Variants in PPP5C observed in about 807,000 individuals in gnomAD.
PPP5C encodes the protein serine/threonine-protein phosphatase 5.
Under a neutral mutation model 66.7 loss-of-function variants are expected in PPP5C, and 21 were observed. That is an observed-to-expected ratio of 0.31 (90% CI 0.22 to 0.45). The LOEUF (loss-of-function observed/expected upper bound fraction) is 0.45. PPP5C is among the 20% of genes least tolerant of loss of function. The pLI, the probability that PPP5C is intolerant of heterozygous loss-of-function variation, is 1.00. For missense variants in PPP5C, 464 were observed against 675.9 expected, an observed-to-expected ratio of 0.69 and a Z score of 3.48; for synonymous variants, 246 against 257.4, an observed-to-expected ratio of 0.96 and a Z score of 0.43.
rs1368613338 is a variant in PPP5C at position 46,387,118 on chromosome 19, C to A, written c.930C>A (p.Asn310Lys). ...GCAACCACGAGACAGACAACATGAACCAGATCTACGGTTTCGAGGGTGAGG... is the reference window on the plus strand; with the variant it reads ...GCAACCACGAGACAGACAACATGAAACAGATCTACGGTTTCGAGGGTGAGG... Reference protein sequence around the residue: ...LRGNHETDNMNQIYGFEGEVK... With the variant: ...LRGNHETDNMKQIYGFEGEVK... Residue 310 changes from asparagine (N) to lysine (K), a missense_variant, in exon 8 of 13, where the codon AAC becomes AAA. Asn to Lys is a moderately conservative substitution (Grantham distance 94, BLOSUM62 0). Around this residue, in one of 2 missense-constraint regions of PPP5C, gnomAD observed 387 missense variants for 626.0 expected, o/e 0.62. Transcript: ENST00000012443. 2 of 1,614,234 alleles carry A rather than the reference C, an allele frequency of 1.2e-6. No individual in the cohort carries two copies.
At chr19:46,369,857 C>T (rs1197613492) in intron 2 of PPP5C, among the ~76,000 whole-genome samples, 1 of 140,602 alleles carries the variant, frequency 7.1e-6, no homozygotes, top group Non-Finnish European at 1.5e-5. Flanking sequence ...ACCCGGGAGG[C>T]GGAGGTTACA....
intron 4 of PPP5C, among the ~76,000 whole-genome samples, chr19:46,379,832 C>G (rs561370109): frequency 1.5e-4 from 22 of 150,178 alleles, no homozygotes; most frequent in East Asian, 1.4e-3. Context: ...AACTCCTCTC[C>G]TGTGAATCTG....
rs1436142613 is a variant in PPP5C at position 46,390,832 on chromosome 19, T to TA, written c.*489dup. 1.8e-5 allele frequency: 20 copies of TA among 1,129,310 alleles called. No individual in the cohort carries two copies. In the African/African-American group the frequency reaches 3.1e-4, roughly 17 times the overall value. The allele number at this position is 1,129,310 out of a possible 1,614,324, so 70.0% of individuals were successfully genotyped here. Reference sequence around the variant, plus strand: ...ATGTCTGTAATTAAATATGTTAAAATAAAGTCATTATCGGAAGTCAGCTTG... The same window carrying TA: ...ATGTCTGTAATTAAATATGTTAAAATAAAAGTCATTATCGGAAGTCAGCTTG... On this transcript the variant is annotated 3_prime_UTR_variant, in exon 13 of 13. Transcript: ENST00000012443.
In PPP5C at chr19:46,347,151, C is replaced by T; in HGVS notation, c.55C>T (p.Pro19Ser). 4 of 1,605,384 alleles carry T rather than the reference C, an allele frequency of 2.5e-6. No individual in the cohort carries two copies. Among genetic ancestry groups the T allele is most frequent in the Middle Eastern group, 1.7e-4 (1 of 6,044 alleles). ...TECAEPPRDEPPADGALKRAE... is the reference protein window; with the variant it reads ...TECAEPPRDESPADGALKRAE... ...GTGTGCTGAGCCCCCCCGGGACGAA[C>T]CCCCGGCTGATGGAGCTCTGAAGCG... The change falls in exon 1 of 13, where the codon CCC becomes TCC. Residue 19 changes from proline to serine, a missense_variant. Transcript: ENST00000012443.
chr19:46,390,775 G>A lies in PPP5C; in HGVS notation c.*429G>A. 8.8e-7 allele frequency: 1 copy of A among 1,131,952 alleles called. No homozygotes were observed. The highest frequency in any genetic ancestry group is 2.1e-5 in the South Asian group (1 of 47,168). The allele number at this position is 1,131,952 out of a possible 1,614,324, so 70.1% of individuals were successfully genotyped here. A position where few individuals can be genotyped will look rare whatever the true frequency, so the allele number is the denominator to read the frequency against. On this transcript the variant is annotated 3_prime_UTR_variant, in exon 13 of 13. Coordinates refer to ENST00000012443, the MANE Select transcript of PPP5C (RefSeq NM_006247.4). ...CTCCTATAGCCCCATGGTGGGGCTAGGCTGGGGCTCACCCCCCTCCCCAGC... is the reference window on the plus strand; with the variant it reads ...CTCCTATAGCCCCATGGTGGGGCTAAGCTGGGGCTCACCCCCCTCCCCAGC...
intron 1 of PPP5C, among the ~76,000 whole-genome samples, chr19:46,352,324 TAGA>T (rs1972201335): frequency 6.6e-6 from 1 of 152,200 alleles, no homozygotes; most frequent in African/African-American, 2.4e-5. Flanking sequence ...GGGCTGCTGG[TAGA>T]AGGACTCTAG....
chr19:46,375,631 G>A lies in PPP5C; in HGVS notation c.391G>A (p.Asp131Asn), dbSNP rs1972680058. 1 of 1,614,104 alleles carries A rather than the reference G, an allele frequency of 6.2e-7. No individual in the cohort carries two copies. Among genetic ancestry groups the A allele is most frequent in the Non-Finnish European group, 8.5e-7 (1 of 1,179,980 alleles). The change falls in exon 3 of 13, where the codon GAT (aspartate) becomes AAT (asparagine). Residue 131 changes from aspartate to asparagine, a missense_variant. This residue lies in a region of PPP5C where 387 missense variants were observed against 626.0 expected (regional missense o/e 0.62). Coordinates refer to ENST00000012443, the MANE Select transcript of PPP5C (RefSeq NM_006247.4). ...TVVKVKPHDK[D>N]AKMKYQECNK... ...GGTCAAGGTGAAGCCCCATGACAAGGATGCCAAAATGAAATACCAGGAGTG... is the reference window on the plus strand; with the variant it reads ...GGTCAAGGTGAAGCCCCATGACAAGAATGCCAAAATGAAATACCAGGAGTG...
intron 2 of PPP5C, among the ~76,000 whole-genome samples, chr19:46,359,090 A>G (rs1022524289): frequency 2.6e-5 from 4 of 152,138 alleles, no homozygotes; most frequent in African/African-American, 7.2e-5. Context: ...TCTGAGTGTC[A>G]GGGTGTCCCT....
intron 4 of PPP5C, among the ~76,000 whole-genome samples, chr19:46,377,760 G>A (rs760282633): frequency 5.9e-5 from 9 of 152,174 alleles, no homozygotes; most frequent in African/African-American, 9.7e-5. Context: ...GGCTTACAGC[G>A]TTTAGTGTCT....
At position 46,390,093 on chromosome 19, in the gene PPP5C, C is replaced by T; in HGVS notation, c.1398C>T (p.Gly466=). The change falls in exon 12 of 13, where the codon GGC becomes GGT. Residue 466 remains glycine (G), a synonymous_variant. Coordinates refer to ENST00000012443, the MANE Select transcript of PPP5C (RefSeq NM_006247.4). ...GNKASYIHLQ[G]SDLRPQFHQF... ...AAGCCTCCTACATCCACCTCCAGGG[C>T]TCTGACCTACGGCCTCAGTTCCACC... 1 of 1,614,242 alleles carries T rather than the reference C, an allele frequency of 6.2e-7. No homozygotes were observed. Among genetic ancestry groups the T allele is most frequent in the Non-Finnish European group, 8.5e-7 (1 of 1,180,034 alleles).
intron 11 of PPP5C, among the ~76,000 whole-genome samples, 159 bp from the exon 12 acceptor site, chr19:46,389,892 G>T (rs1972981535): frequency 6.6e-6 from 1 of 151,446 alleles, no homozygotes; most frequent in East Asian, 1.9e-4. Flanking sequence ...CTTTCCCCTG[G>T]ATTCGTCTTT....
At position 46,384,749 on chromosome 19, in the gene PPP5C, C is replaced by CCACCG. The variant is rs940192482; in HGVS notation, c.799-45_799-41dup. ...CCATCTTCTGCCACCACCCCCAACCCCACCGCACCGCACCCTTCCCCTCCA... is the reference window on the plus strand; with the variant it reads ...CCATCTTCTGCCACCACCCCCAACCCCACCGCACCGCACCGCACCCTTCCCCTCCA... On this transcript the variant is annotated intron_variant, in intron 6 of 12. Transcript: ENST00000012443. 59 of 1,412,648 alleles carry CCACCG rather than the reference C, an allele frequency of 4.2e-5. No individual in the cohort carries two copies. In the Admixed American group the frequency reaches 7.6e-4, roughly 18 times the overall value. The allele number at this position is 1,412,648 out of a possible 1,614,324, so 87.5% of individuals were successfully genotyped here.
chr19:46,389,460 C>CACACACACACACACACACACACACAG (rs1568580025), intron 11 of PPP5C, among the ~76,000 whole-genome samples: 3 of 120,818 alleles, frequency 2.5e-5, no homozygotes, highest in East Asian at 5.3e-4. Context: ...CACACACACA[C>CACACACACACACACACACACACACAG]AGTGTTGATC....
chr19:46,367,413 T>G (rs1972509396), intron 2 of PPP5C, among the ~76,000 whole-genome samples: 1 of 152,166 alleles, frequency 6.6e-6, no homozygotes, highest in Admixed American at 6.5e-5. Flanking sequence ...TTGGGGAGTT[T>G]GAGAAGATGC....
rs1474527147 is a variant in PPP5C at position 46,383,522 on chromosome 19, C to T, written c.699+46C>T. 4 of 1,530,548 alleles carry T rather than the reference C, an allele frequency of 2.6e-6. No homozygotes were observed. The highest frequency in any genetic ancestry group is 2.7e-5 in the African/African-American group (2 of 73,018). The allele number at this position is 1,530,548 out of a possible 1,614,324, so 94.8% of individuals were successfully genotyped here. A position where few individuals can be genotyped will look rare whatever the true frequency, so the allele number is the denominator to read the frequency against. ...CGGGGAGGGCCAGCGGGGGTGGGCT[C>T]TCTGGCTGGGGAGGGGCCACAGAGC... is the stretch of plus-strand genomic sequence containing the variant. On this transcript the variant is annotated intron_variant, in intron 5 of 12. Transcript: ENST00000012443. The surrounding 1 kb of genome is among the most constrained non-coding windows in gnomAD (Gnocchi z 5.0).
At chr19:46,375,335 C>T (rs969801869) in intron 2 of PPP5C, among the ~76,000 whole-genome samples, 4 of 152,208 alleles carry the variant, frequency 2.6e-5, no homozygotes, top group Non-Finnish European at 4.4e-5. Context: ...AAGCTGAGCC[C>T]GCAGTCCTCA....
Position 46,390,539 on chromosome 19 carries a change from T to G in PPP5C, c.*193T>G. ...GTCAGGGGCTGGCCAGAGGGTCTGC[T>G]CCCTGGACAGAGAGGAAGGAGGTGG... On this transcript the variant is annotated 3_prime_UTR_variant, in exon 13 of 13. Coordinates refer to ENST00000012443, the MANE Select transcript of PPP5C (RefSeq NM_006247.4). 4 of 1,413,736 alleles carry G rather than the reference T, an allele frequency of 2.8e-6. No individual in the cohort carries two copies. The highest frequency in any genetic ancestry group is 2.7e-5 in the Admixed American group (1 of 37,560). 87.6% of individuals were successfully genotyped at this position (1,413,736 alleles called of 1,614,324 possible).
chr19:46,377,698 AC>A, intron 4 of PPP5C, among the ~76,000 whole-genome samples: 2 of 152,160 alleles, frequency 1.3e-5, no homozygotes. Flanking sequence ...CTGATTTTTC[AC>A]CACTGTAAAT....
In PPP5C at chr19:46,390,428, C is replaced by G; in HGVS notation, c.*82C>G. On this transcript the variant is annotated 3_prime_UTR_variant, in exon 13 of 13. Coordinates refer to ENST00000012443, the MANE Select transcript of PPP5C (RefSeq NM_006247.4). ...CCCTGGGCTAGGGGCAGAGCAGGCC[C>G]CGCCCCAGGGCAATGTTGGACCCCC... 6.5e-7 allele frequency: 1 copy of G among 1,543,242 alleles called. No individual in the cohort carries two copies. The highest frequency in any genetic ancestry group is 2.0e-5 in the Admixed American group (1 of 50,714).
Sources: gnomAD v4.1 joint callset for allele counts (sites outside exome capture counted in the v4.1 genomes callset) on GRCh38, gnomAD v4.1.1 for gene constraint, gnomAD v4.1.1 regional missense constraint, Gnocchi (gnomAD v3.1) non-coding constraint, MANE v1.5 for transcripts, NCBI Gene and HGNC (gene_info 2026-07-23, HGNC 2026-07-21) for gene names.